The following LAMTOR2 variants were observed in gnomAD, a reference collection of about 807,000 sequenced individuals.
The protein encoded by LAMTOR2 is ragulator complex protein LAMTOR2.
In LAMTOR2, 4 loss-of-function variants were observed where a neutral mutation model predicts 15.8. That is an observed-to-expected ratio of 0.25 (90% confidence interval 0.12 to 0.58). The LOEUF (loss-of-function observed/expected upper bound fraction) is 0.58. Among genes scored for constraint, LAMTOR2 ranks in the 20% least tolerant of loss-of-function variants. LAMTOR2 has a pLI of 0.91. For synonymous variants in LAMTOR2, 62 were observed against 64.1 expected (o/e 0.97, Z 0.15); for missense variants, 100 against 161.0 (o/e 0.62, Z 2.05).
rs915596089 is a variant in LAMTOR2, at chr1:156,057,366, T to A, written c.232-612T>A. On this transcript the variant is annotated intron_variant, in intron 2 of 3. Coordinates refer to ENST00000368305, the MANE Select transcript of LAMTOR2 (RefSeq NM_014017.4). ...TAATAAATAAATAAATAGGAAAAAA[T>A]TTTTTAAGAAAGACATTTTAAGTCA... Among the ~76,000 whole-genome samples, 5 of 151,748 alleles carry A rather than the reference T, an allele frequency of 3.3e-5. No homozygotes were observed. In the South Asian group the frequency reaches 6.2e-4, roughly 19 times the overall value.
rs1197481902 is a variant in LAMTOR2 at position 156,054,926 on chromosome 1, C to G, written c.37C>G (p.Gln13Glu). ...RPKALTQVLS[Q>E]ANTGGVQSTL... ...CAAGGCTTTGACCCAGGTGCTAAGC[C>G]AAGCCAACACTGGAGGCGTCCAGAG... The change falls in exon 1 of 4, where the codon CAA (glutamine) becomes GAA (glutamate). Residue 13 changes from glutamine (Q) to glutamate (E), a missense_variant. Gln to Glu is a conservative substitution (Grantham distance 29). Transcript: ENST00000368305. 2.5e-6 allele frequency: 4 copies of G among 1,612,818 alleles called. No individual in the cohort carries two copies. The highest frequency in any genetic ancestry group is 1.1e-5 in the South Asian group (1 of 91,040).
Position 156,055,005 on chromosome 1 carries a change from C to T in LAMTOR2, c.68+48C>T, listed in dbSNP as rs778144669. On this transcript the variant is annotated intron_variant, in intron 1 of 3. Transcript: ENST00000368305. The surrounding 1 kb of genome is among the most constrained non-coding windows in gnomAD (Gnocchi z 4.8). The stretch of plus-strand genomic sequence containing the variant: ...AGCGGCGAGCGCTGCAGTGGGGCGG[C>T]GCGCGGCTCCCTGAGGGAGGGGTGG... The T allele has an allele frequency of 7.0e-6, 11 of 1,578,678 alleles. No individual in the cohort carries two copies. Among genetic ancestry groups the T allele is most frequent in the South Asian group, 6.7e-5 (6 of 89,318 alleles).
At position 156,058,483 on chromosome 1, in the gene LAMTOR2, A is replaced by G. The variant is rs1647446136; in HGVS notation, c.*112A>G. Reference sequence around the variant, plus strand: ...GGGAGGATGGGACTTTGTTTTTTCCAAGAATAAACTTCAACTCCTGTCATG... The same window carrying G: ...GGGAGGATGGGACTTTGTTTTTTCCGAGAATAAACTTCAACTCCTGTCATG... On this transcript the variant is annotated 3_prime_UTR_variant, in exon 4 of 4. Transcript: ENST00000368305. 2.7e-6 allele frequency: 3 copies of G among 1,113,608 alleles called. No individual in the cohort carries two copies. The East Asian group carries it at 7.4e-5, about 27-fold the overall frequency. The allele number at this position is 1,113,608 out of a possible 1,614,324, so 69.0% of individuals were successfully genotyped here.
intron 3 of LAMTOR2, 55 bp downstream of exon 3, chr1:156,058,122 CTG>C (rs1553257394): frequency 2.6e-6 from 4 of 1,554,484 alleles, no homozygotes; most frequent in South Asian, 1.1e-5. Flanking sequence ...TGCTTCTACA[CTG>C]TGTTCACTCC....
At position 156,054,810 on chromosome 1, in the gene LAMTOR2, T is replaced by G; in HGVS notation, c.-80T>G. On this transcript the variant is annotated 5_prime_UTR_variant, in exon 1 of 4. Coordinates refer to ENST00000368305, the MANE Select transcript of LAMTOR2 (RefSeq NM_014017.4). ...GCGTCCCGGAGCAGGCCAACGGGAC[T>G]ACGGGAAGCAGCGGGCAGCGGCCCG... The G allele has an allele frequency of 3.5e-6, 5 of 1,443,534 alleles. No individual in the cohort carries two copies. Among genetic ancestry groups the G allele is most frequent in the Non-Finnish European group, 3.9e-6 (4 of 1,036,394 alleles). 89.4% of individuals were successfully genotyped at this position (1,443,534 alleles called of 1,614,324 possible). A position where few individuals can be genotyped will look rare whatever the true frequency, so the allele number is the denominator to read the frequency against.
At position 156,058,041 on chromosome 1, in the gene LAMTOR2, G is replaced by A. The variant is rs145894895; in HGVS notation, c.295G>A (p.Val99Met). 5.0e-6 allele frequency: 8 copies of A among 1,614,020 alleles called. No homozygotes were observed. Among genetic ancestry groups the A allele is most frequent in the East Asian group, 2.2e-5 (1 of 44,890 alleles). The change falls in exon 3 of 4, where the codon GTG (valine) becomes ATG (methionine). Residue 99 changes from valine to methionine, a missense_variant. Val to Met is a conservative substitution (Grantham distance 21). Coordinates refer to ENST00000368305, the MANE Select transcript of LAMTOR2 (RefSeq NM_014017.4). ...GCTGTGTATGTATGCCAAGGAGACC[G>A]TGGGCTTTGGAATGCTCAAGGCCAA... ...LLLCMYAKET[V>M]GFGMLKAKAQ...
In LAMTOR2 at chr1:156,054,815, G is replaced by A; in HGVS notation, c.-75G>A. On this transcript the variant is annotated 5_prime_UTR_variant, in exon 1 of 4. Transcript: ENST00000368305. ...CCGGAGCAGGCCAACGGGACTACGG[G>A]AAGCAGCGGGCAGCGGCCCGCGGGA... The A allele has an allele frequency of 6.8e-7, 1 of 1,474,962 alleles. No homozygotes were observed. Among genetic ancestry groups the A allele is most frequent in the Non-Finnish European group, 9.4e-7 (1 of 1,063,584 alleles). The allele number at this position is 1,474,962 out of a possible 1,614,324, so 91.4% of individuals were successfully genotyped here. A position where few individuals can be genotyped will look rare whatever the true frequency, so the allele number is the denominator to read the frequency against.
At position 156,055,250 on chromosome 1, in the gene LAMTOR2, C is replaced by T. The variant is rs759753766; in HGVS notation, c.69-13C>T. 1.9e-6 allele frequency: 3 copies of T among 1,613,578 alleles called. No individual in the cohort carries two copies. The highest frequency in any genetic ancestry group is 2.5e-6 in the Non-Finnish European group (3 of 1,179,996). On this transcript the variant is annotated splice_polypyrimidine_tract_variant and intron_variant, in intron 1 of 3. Transcript: ENST00000368305. The surrounding 1 kb of genome is among the most constrained non-coding windows in gnomAD (Gnocchi z 4.8). ...CTCTGAGCACATCGCTATCCCTCCC[C>T]GCCCCTCACCAGGCTGCTGAATAAC...
chr1:156,055,356 C>G lies in LAMTOR2; in HGVS notation c.162C>G (p.Ala54=), dbSNP rs1370565361. ...CTGCCATAGCCAGTAACATCTGGGC[C>G]GCCTACGACCGGAACGGGAACCAAG... ...VTAAIASNIW[A]AYDRNGNQAF... The change falls in exon 2 of 4, where the codon GCC becomes GCG. Residue 54 remains alanine, a synonymous_variant. Coordinates refer to ENST00000368305, the MANE Select transcript of LAMTOR2 (RefSeq NM_014017.4). The surrounding 1 kb of genome is among the most constrained non-coding windows in gnomAD (Gnocchi z 4.8). 1 of 1,614,202 alleles carries G rather than the reference C, an allele frequency of 6.2e-7. No individual in the cohort carries two copies. Among genetic ancestry groups the G allele is most frequent in the Non-Finnish European group, 8.5e-7 (1 of 1,180,042 alleles).
rs1171122202 is a variant in LAMTOR2, at chr1:156,055,003, G to GGC, written c.68+52_68+53dup. ...CGAGCGGCGAGCGCTGCAGTGGGGC[G>GGC]GCGCGCGGCTCCCTGAGGGAGGGGT... On this transcript the variant is annotated intron_variant, in intron 1 of 3. Coordinates refer to ENST00000368305, the MANE Select transcript of LAMTOR2 (RefSeq NM_014017.4). This position sits in a 1 kb window ranked among gnomAD's most constrained non-coding sequence, Gnocchi z 4.8. 6.3e-7 allele frequency: 1 copy of GGC among 1,578,610 alleles called. No individual in the cohort carries two copies. The highest frequency in any genetic ancestry group is 1.4e-5 in the African/African-American group (1 of 74,044).
At chr1:156,058,247 G>A (rs984180762) in intron 3 of LAMTOR2, 68 bp from the exon 4 acceptor site, 1 of 1,604,754 alleles carries the variant, frequency 6.2e-7, no homozygotes, top group Admixed American at 1.7e-5. Flanking sequence ...GGCACTGGGA[G>A]CAGACCTGGA....
At chr1:156,056,478 T>C (rs558746948) in intron 2 of LAMTOR2, among the ~76,000 whole-genome samples, 12 of 152,096 alleles carry the variant, frequency 7.9e-5, no homozygotes, top group Non-Finnish European at 1.3e-4. Flanking sequence ...AGCCATGTGG[T>C]TATCTGAGGG....
In LAMTOR2 at chr1:156,058,485, G is replaced by A; in HGVS notation, c.*114G>A. ...GAGGATGGGACTTTGTTTTTTCCAA[G>A]AATAAACTTCAACTCCTGTCATGTG... On this transcript the variant is annotated 3_prime_UTR_variant, in exon 4 of 4. Coordinates refer to ENST00000368305, the MANE Select transcript of LAMTOR2 (RefSeq NM_014017.4). The A allele has an allele frequency of 2.7e-6, 3 of 1,098,192 alleles. No individual in the cohort carries two copies. Among genetic ancestry groups the A allele is most frequent in the Non-Finnish European group, 4.1e-6 (3 of 726,194 alleles). The allele number at this position is 1,098,192 out of a possible 1,614,324, so 68.0% of individuals were successfully genotyped here.
In LAMTOR2 at chr1:156,055,573, A is replaced by C. The variant is rs1647326687; in HGVS notation, c.231+148A>C. The stretch of plus-strand genomic sequence containing the variant: ...GTCTGCAGCAGCATTTGTAATAGGC[A>C]GGACCCTATTCATCAAGTGGTGGTG... On this transcript the variant is annotated intron_variant, in intron 2 of 3. Transcript: ENST00000368305. This position sits in a 1 kb window ranked among gnomAD's most constrained non-coding sequence, Gnocchi z 4.8. 3 of 856,120 alleles carry C rather than the reference A, an allele frequency of 3.5e-6. No individual in the cohort carries two copies. Among genetic ancestry groups the C allele is most frequent in the Non-Finnish European group, 5.6e-6 (3 of 535,794 alleles). The allele number at this position is 856,120 out of a possible 1,614,324, so 53.0% of individuals were successfully genotyped here. A position where few individuals can be genotyped will look rare whatever the true frequency, so the allele number is the denominator to read the frequency against.
At chr1:156,056,262 A>C (rs1261374914) in intron 2 of LAMTOR2, among the ~76,000 whole-genome samples, 1 of 152,184 alleles carries the variant, frequency 6.6e-6, no homozygotes, top group Non-Finnish European at 1.5e-5. Context: ...TTGGCCTCCC[A>C]AAGTGCTGGG....
In LAMTOR2 at chr1:156,055,451, C is replaced by T. The variant is rs768034020; in HGVS notation, c.231+26C>T. On this transcript the variant is annotated intron_variant, in intron 2 of 3. Coordinates refer to ENST00000368305, the MANE Select transcript of LAMTOR2 (RefSeq NM_014017.4). The surrounding 1 kb of genome is among the most constrained non-coding windows in gnomAD (Gnocchi z 4.8). ...GTATGGAGAGGGGAGCCAGACTTCC[C>T]CTGTCCCCCAAAGGGGATCCCAAGG... The T allele has an allele frequency of 3.1e-6, 5 of 1,614,012 alleles. No individual in the cohort carries two copies. Among genetic ancestry groups the T allele is most frequent in the Non-Finnish European group, 8.5e-7 (1 of 1,179,980 alleles).
chr1:156,055,608 C>T lies in LAMTOR2; in HGVS notation c.231+183C>T, dbSNP rs1647334807. On this transcript the variant is annotated intron_variant, in intron 2 of 3. Coordinates refer to ENST00000368305, the MANE Select transcript of LAMTOR2 (RefSeq NM_014017.4). This position sits in a 1 kb window ranked among gnomAD's most constrained non-coding sequence, Gnocchi z 4.8. ...TCATCAAGTGGTGGTGAGGAAGGAT[C>T]CCTGGACCTGAGAGGTCTGACTTGG... is the stretch of plus-strand genomic sequence containing the variant. 7.3e-6 allele frequency: 5 copies of T among 687,686 alleles called. No individual in the cohort carries two copies. The East Asian group carries it at 1.1e-4, about 15-fold the overall frequency. 42.6% of individuals were successfully genotyped at this position (687,686 alleles called of 1,614,324 possible). A position where few individuals can be genotyped will look rare whatever the true frequency, so the allele number is the denominator to read the frequency against.
At position 156,055,452 on chromosome 1, in the gene LAMTOR2, C is replaced by A. The variant is rs780964810; in HGVS notation, c.231+27C>A. 6.2e-7 allele frequency: 1 copy of A among 1,613,990 alleles called. No individual in the cohort carries two copies. The highest frequency in any genetic ancestry group is 1.1e-5 in the South Asian group (1 of 91,076). ...TATGGAGAGGGGAGCCAGACTTCCC[C>A]TGTCCCCCAAAGGGGATCCCAAGGG... On this transcript the variant is annotated intron_variant, in intron 2 of 3. Transcript: ENST00000368305. The surrounding 1 kb of genome is among the most constrained non-coding windows in gnomAD (Gnocchi z 4.8).
At chr1:156,057,177 CAAAAA>C (rs1002332400) in intron 2 of LAMTOR2, among the ~76,000 whole-genome samples, 1 of 84,920 alleles carries the variant, frequency 1.2e-5, no homozygotes, top group Non-Finnish European at 2.4e-5. Flanking sequence ...GACTCCATCT[CAAAAA>C]AAAAAAAAAA....
Sources: allele counts gnomAD v4.1 joint callset (sites outside exome capture counted in the v4.1 genomes callset), GRCh38; gene constraint gnomAD v4.1.1; non-coding constraint Gnocchi (gnomAD v3.1); transcripts MANE v1.5; gene names NCBI Gene and HGNC (gene_info 2026-07-23, HGNC 2026-07-21).